Variants in CEP128 observed in about 807,000 individuals in gnomAD.
CEP128 encodes the protein centrosomal protein 128kDa.
In CEP128, 132 loss-of-function variants were observed where a neutral mutation model predicts 156.7. The observed-to-expected ratio is 0.84, with a 90% CI of 0.73 to 0.97. The LOEUF is 0.97. Among genes scored for constraint, CEP128 ranks in the 50% least tolerant of loss-of-function variants. The pLI, the probability that CEP128 is intolerant of heterozygous loss-of-function variation, is 0.00. For missense variants in CEP128, 1,252 were observed against 1,281.9 expected (o/e 0.98, Z 0.36); for synonymous variants, 469 against 448.9 (o/e 1.04, Z -0.57).
At chr14:80,764,653 C>T (rs577106950) in intron 16 of CEP128, among the ~76,000 whole-genome samples, 1 of 152,250 alleles carries the variant, frequency 6.6e-6, no homozygotes, top group African/African-American at 2.4e-5. Flanking sequence ...GTAAATTCAA[C>T]TACTTGCTCC....
At chr14:80,674,965 T>TTAA (rs1896001046) in intron 19 of CEP128, among the ~76,000 whole-genome samples, 1 of 151,986 alleles carries the variant, frequency 6.6e-6, no homozygotes, top group African/African-American at 2.4e-5. Flanking sequence ...ACTTGCATCT[T>TTAA]GTTTAAAGTA....
chr14:80,495,808 C>T (rs1887474198), downstream of CEP128, among the ~76,000 whole-genome samples: 1 of 152,032 alleles, frequency 6.6e-6, no homozygotes, highest in African/African-American at 2.4e-5. Flanking sequence ...TTAAATAAAA[C>T]CTGTTGATTT....
intron 13 of CEP128, among the ~76,000 whole-genome samples, chr14:80,824,184 G>C (rs1043620004): frequency 6.6e-6 from 1 of 152,184 alleles, no homozygotes; most frequent in Non-Finnish European, 1.5e-5. Context: ...CAAGCCCCTA[G>C]GCTGCACACC....
chr14:80,512,861 A>C (rs1888323004), intron 23 of CEP128, among the ~76,000 whole-genome samples: 2 of 152,072 alleles, frequency 1.3e-5, no homozygotes, highest in African/African-American at 4.8e-5. Flanking sequence ...ACCAATAAAA[A>C]CACTTTAACT....
chr14:80,812,114 C>G (rs1282692579), intron 13 of CEP128, among the ~76,000 whole-genome samples: 1 of 152,164 alleles, frequency 6.6e-6, no homozygotes, highest in Non-Finnish European at 1.5e-5. Flanking sequence ...CATGTGTAAT[C>G]ACTGTTTAGC....
At chr14:80,957,078 C>G (rs1886733875) in intron 2 of CEP128, among the ~76,000 whole-genome samples, 1 of 152,202 alleles carries the variant, frequency 6.6e-6, no homozygotes, top group Admixed American at 6.5e-5. Context: ...ACTTCCCCCT[C>G]CTGCTGAGAA....
chr14:80,938,539 G>A (rs1171829000), intron 2 of CEP128, among the ~76,000 whole-genome samples: 4 of 152,018 alleles, frequency 2.6e-5, no homozygotes, highest in Non-Finnish European at 5.9e-5. Flanking sequence ...GAGCCACCGC[G>A]CCCGGCCACA....
chr14:80,943,035 C>T (rs996762393), upstream of CEP128, among the ~76,000 whole-genome samples: 2 of 152,234 alleles, frequency 1.3e-5, no homozygotes, highest in South Asian at 2.1e-4. Flanking sequence ...CAAGAATACA[C>T]TCCACCAGAC....
intron 9 of CEP128, among the ~76,000 whole-genome samples, chr14:80,853,770 A>G (rs1887013046): frequency 3.3e-5 from 5 of 151,994 alleles, no homozygotes; most frequent in Admixed American, 3.3e-4. Context: ...AATAATTAAG[A>G]AAGAATTATA....
intron 4 of CEP128, among the ~76,000 whole-genome samples, chr14:80,913,700 T>C (rs925021990): frequency 9.2e-5 from 14 of 152,156 alleles, no homozygotes; most frequent in Non-Finnish European, 1.9e-4. Context: ...AGTGGTATAA[T>C]GGACATTGGA....
At chr14:80,913,919 A>T (rs1159981333) in intron 4 of CEP128, among the ~76,000 whole-genome samples, 1 of 152,254 alleles carries the variant, frequency 6.6e-6, no homozygotes, top group Admixed American at 6.5e-5. Flanking sequence ...CTACAGCAAT[A>T]GAAATTTTAA....
chr14:80,712,863 A>G (rs1234173444), intron 19 of CEP128, among the ~76,000 whole-genome samples: 2 of 152,070 alleles, frequency 1.3e-5, no homozygotes, highest in East Asian at 1.9e-4. Flanking sequence ...TGAGGCTTGC[A>G]TTTCCCCATT....
chr14:80,543,176 C>A (rs1390427741), intron 21 of CEP128, among the ~76,000 whole-genome samples: 1 of 152,140 alleles, frequency 6.6e-6, no homozygotes, highest in East Asian at 1.9e-4. Flanking sequence ...TCAACTATGC[C>A]TATATTTTTA....
In CEP128 at chr14:80,521,633, T is replaced by G. The variant is rs566965010; in HGVS notation, c.3072+5236A>C. Among the ~76,000 whole-genome samples the G allele has an allele frequency of 3.3e-5, 5 of 152,366 alleles. No individual in the cohort carries two copies. In the East Asian group the frequency reaches 7.7e-4, roughly 23 times the overall value. ...TCTTCATATTTCAGCATGATTTGAT[T>G]GCCTATAAGGTTTTAAATGTGTCAT... On this transcript the variant is annotated intron_variant, in intron 23 of 24. Transcript: ENST00000555265.
At chr14:80,720,290 A>G (rs1897766134) in intron 19 of CEP128, among the ~76,000 whole-genome samples, 1 of 152,182 alleles carries the variant, frequency 6.6e-6, no homozygotes, top group African/African-American at 2.4e-5. Flanking sequence ...TAATCATGGT[A>G]AAAAACTGGG....
intron 19 of CEP128, among the ~76,000 whole-genome samples, chr14:80,641,987 G>T (rs1025369683): frequency 6.7e-6 from 1 of 149,740 alleles, no homozygotes; most frequent in African/African-American, 2.5e-5. Flanking sequence ...CTACTCCGGA[G>T]GCTGAGGCAG....
At chr14:80,665,709 T>C (rs1378590324) in intron 19 of CEP128, among the ~76,000 whole-genome samples, 1 of 151,996 alleles carries the variant, frequency 6.6e-6, no homozygotes, top group Non-Finnish European at 1.5e-5. Context: ...CAGGCAGATA[T>C]AGAAAGATCC....
At chr14:80,796,316 T>C (rs1024238187) in intron 13 of CEP128, among the ~76,000 whole-genome samples, 3 of 152,024 alleles carry the variant, frequency 2.0e-5, no homozygotes, top group Admixed American at 1.3e-4. Context: ...AAAAATTAGC[T>C]GGGTATGGTG....
intron 20 of CEP128, among the ~76,000 whole-genome samples, chr14:80,567,766 A>T (rs1890977018): frequency 6.6e-6 from 1 of 152,136 alleles, no homozygotes; most frequent in South Asian, 2.1e-4. Flanking sequence ...ACAACTAAAG[A>T]TTATTTGCAG....
Sources: allele counts gnomAD v4.1 joint callset (sites outside exome capture counted in the v4.1 genomes callset), GRCh38; gene constraint gnomAD v4.1.1; transcripts MANE v1.5; gene names NCBI Gene and HGNC (gene_info 2026-07-23, HGNC 2026-07-21).